Variants in CNTN4 observed in about 807,000 individuals in gnomAD.
CNTN4 encodes contactin 4, also known as contactin-4.
CNTN4 carries 77 observed loss-of-function variants against 122.5 expected under a neutral mutation model. The observed-to-expected ratio is 0.63, with a 90% CI of 0.52 to 0.76. CNTN4 has a LOEUF of 0.76. Ranked by LOEUF, CNTN4 falls within the 30% of genes least tolerant of loss-of-function variation. The probability of loss-of-function intolerance (pLI) is 0.00; values close to 1 mark genes in which losing one functional copy is unlikely to be tolerated. For missense variants in CNTN4, 1,256 were observed against 1,259.1 expected, an observed-to-expected ratio of 1.00 and a Z score of 0.04; for synonymous variants, 512 against 447.0, an observed-to-expected ratio of 1.15 and a Z score of -1.83.
At chr3:2,130,537 A>G (rs2034401425) in intron 2 of CNTN4, among the ~76,000 whole-genome samples, 1 of 152,214 alleles carries the variant, frequency 6.6e-6, no homozygotes, top group African/African-American at 2.4e-5. Context: ...AACTAGAAGT[A>G]GGATATTTGC....
At chr3:2,328,222 G>A (rs987362559) in intron 2 of CNTN4, among the ~76,000 whole-genome samples, 26 of 151,990 alleles carry the variant, frequency 1.7e-4, no homozygotes, top group East Asian at 1.9e-4. Context: ...TGGCTAACAC[G>A]GTGAAACCCC....
chr3:2,215,883 C>CA (rs869205172), intron 2 of CNTN4, among the ~76,000 whole-genome samples: 1,225 of 60,102 alleles, frequency 0.02, 93 homozygotes, highest in Middle Eastern at 0.029. Context: ...GCCTCTGTCT[C>CA]AAAAAAAAAA....
chr3:2,748,272 G>T (rs2089904093), intron 6 of CNTN4, among the ~76,000 whole-genome samples: 1 of 152,174 alleles, frequency 6.6e-6, no homozygotes, highest in Non-Finnish European at 1.5e-5. Context: ...ATCTGAGAAA[G>T]TATTTCTTAT....
intron 3 of CNTN4, among the ~76,000 whole-genome samples, chr3:2,389,647 A>C (rs2150867949): frequency 6.6e-6 from 1 of 152,236 alleles, no homozygotes; most frequent in South Asian, 2.1e-4. Flanking sequence ...CCATGAGAAA[A>C]TGGATCTTAT....
chr3:2,685,951 T>C (rs2085410360), intron 4 of CNTN4, among the ~76,000 whole-genome samples: 1 of 152,184 alleles, frequency 6.6e-6, no homozygotes, highest in Non-Finnish European at 1.5e-5. Flanking sequence ...TGATTTTTGT[T>C]TGGAGAAAAT....
chr3:2,609,232 C>T (rs573594782), intron 4 of CNTN4, among the ~76,000 whole-genome samples: 9 of 152,272 alleles, frequency 5.9e-5, no homozygotes, highest in Admixed American at 2.0e-4. Context: ...TATTAAGTCA[C>T]GAAGGATGTG....
chr3:2,659,857 C>G (rs184412984), intron 4 of CNTN4, among the ~76,000 whole-genome samples: 1 of 152,052 alleles, frequency 6.6e-6, no homozygotes. Flanking sequence ...CATTTTAAAC[C>G]CAATAACATG....
At chr3:2,697,617 G>A (rs1029272560) in intron 4 of CNTN4, among the ~76,000 whole-genome samples, 2 of 152,042 alleles carry the variant, frequency 1.3e-5, no homozygotes, top group African/African-American at 4.8e-5. Flanking sequence ...AATTATATCA[G>A]ACAATATATA....
chr3:3,042,581 C>G (rs1029475778), intron 21 of CNTN4, among the ~76,000 whole-genome samples, 159 bp downstream of exon 21: 1 of 152,182 alleles, frequency 6.6e-6, no homozygotes, highest in Non-Finnish European at 1.5e-5. Flanking sequence ...ATTGAATACT[C>G]AGCTGTGAGA....
chr3:2,980,991 A>G (rs1228522669), intron 13 of CNTN4, among the ~76,000 whole-genome samples: 1 of 152,144 alleles, frequency 6.6e-6, no homozygotes, highest in Non-Finnish European at 1.5e-5. Context: ...TGGAGCCACT[A>G]TTTTAAACAT....
intron 2 of CNTN4, among the ~76,000 whole-genome samples, chr3:2,106,212 T>C (rs2125106891): frequency 6.6e-6 from 1 of 152,306 alleles, no homozygotes; most frequent in East Asian, 1.9e-4. Context: ...GTGCAAGCTG[T>C]CAGTGGATCT....
chr3:2,858,209 A>T (rs897686142), intron 7 of CNTN4, among the ~76,000 whole-genome samples: 1 of 152,200 alleles, frequency 6.6e-6, no homozygotes, highest in Non-Finnish European at 1.5e-5. Flanking sequence ...GGCCGACAGC[A>T]TCAGCAGCAC....
intron 18 of CNTN4, among the ~76,000 whole-genome samples, chr3:3,038,333 C>T (rs1421983371): frequency 6.6e-6 from 1 of 152,302 alleles, no homozygotes; most frequent in Non-Finnish European, 1.5e-5. Context: ...AGGTTAAGCT[C>T]AGTGAGCCGG....
intron 2 of CNTN4, among the ~76,000 whole-genome samples, chr3:2,166,136 A>G (rs901807292): frequency 1.3e-5 from 2 of 152,098 alleles, no homozygotes; most frequent in African/African-American, 4.8e-5. Context: ...ACTGTTTTGC[A>G]TAATGGTATA....
At chr3:2,757,939 G>C (rs1405534045) in intron 6 of CNTN4, among the ~76,000 whole-genome samples, 2 of 152,156 alleles carry the variant, frequency 1.3e-5, no homozygotes, top group African/African-American at 4.8e-5. Flanking sequence ...ATTATGATTA[G>C]AGTATTAATT....
chr3:2,563,220 T>A (rs1250151056), intron 3 of CNTN4, among the ~76,000 whole-genome samples: 3 of 152,176 alleles, frequency 2.0e-5, no homozygotes, highest in African/African-American at 7.2e-5. Context: ...ATCATGATGG[T>A]GATGGTGGTT....
In CNTN4 at chr3:3,056,211, C is replaced by A; in HGVS notation, c.3072C>A (p.Ser1024=). ...STIMISLTAR[S]SL ...TAATGATTTCCCTCACAGCTAGGTC[C>A]AGTTTATGACAAAAGTTATCTGAAG... is the stretch of plus-strand genomic sequence containing the variant. The change falls in exon 25 of 25, where the codon TCC becomes TCA. Residue 1024 remains serine (S), a synonymous_variant. Coordinates refer to ENST00000418658, the MANE Select transcript of CNTN4 (RefSeq NM_175607.3). The A allele has an allele frequency of 1.2e-6, 2 of 1,612,906 alleles. No individual in the cohort carries two copies. Among genetic ancestry groups the A allele is most frequent in the Non-Finnish European group, 1.7e-6 (2 of 1,178,898 alleles).
chr3:2,668,276 G>GA (rs2084289617), intron 4 of CNTN4, among the ~76,000 whole-genome samples: 1 of 150,568 alleles, frequency 6.6e-6, no homozygotes. Flanking sequence ...CTTGAGCAGT[G>GA]GTTTGTAGTT....
intron 4 of CNTN4, among the ~76,000 whole-genome samples, chr3:2,597,382 A>C (rs2080819550): frequency 1.3e-5 from 2 of 152,160 alleles, no homozygotes; most frequent in South Asian, 4.1e-4. Flanking sequence ...ATTTTTATGA[A>C]GTATTAGGAG....
Sources: allele counts gnomAD v4.1 joint callset (sites outside exome capture counted in the v4.1 genomes callset), GRCh38; gene constraint gnomAD v4.1.1; transcripts MANE v1.5; gene names NCBI Gene and HGNC (gene_info 2026-07-23, HGNC 2026-07-21).